Variants in INSYN2B observed in about 807,000 individuals in gnomAD.
The protein encoded by INSYN2B is protein INSYN2B.
Under a neutral mutation model 41.2 loss-of-function variants are expected in INSYN2B, and 16 were observed. That is an observed-to-expected ratio of 0.39 (90% CI 0.26 to 0.59). The LOEUF (loss-of-function observed/expected upper bound fraction) is 0.59. Among genes scored for constraint, INSYN2B ranks in the 20% least tolerant of loss-of-function variants. The pLI, the probability that INSYN2B is intolerant of heterozygous loss-of-function variation, is 0.57. For missense variants in INSYN2B, 608 were observed against 646.4 expected, an observed-to-expected ratio of 0.94 and a Z score of 0.64; for synonymous variants, 245 against 244.4, an observed-to-expected ratio of 1.00 and a Z score of -0.02.
rs1397662123 is a variant in INSYN2B, at chr5:169,864,072, G to T, written c.*201C>A. Reference sequence around the variant, plus strand: ...CTAGTGTCCGTGAAGCCCTCAGCAAGCAGTCGCACGCACTCAGGTAAGGAT... The same window carrying T: ...CTAGTGTCCGTGAAGCCCTCAGCAATCAGTCGCACGCACTCAGGTAAGGAT... On this transcript the variant is annotated 3_prime_UTR_variant, in exon 4 of 4. Transcript: ENST00000377365. Among the ~76,000 whole-genome samples the T allele has an allele frequency of 6.6e-6, 1 of 152,196 alleles. No individual in the cohort carries two copies. The highest frequency in any genetic ancestry group is 1.5e-5 in the Non-Finnish European group (1 of 68,032).
At chr5:169,946,290 G>A (rs1015686166) in intron 1 of INSYN2B, among the ~76,000 whole-genome samples, 1 of 152,124 alleles carries the variant, frequency 6.6e-6, no homozygotes, top group Non-Finnish European at 1.5e-5. Context: ...CCCAGCCAGG[G>A]GTATCCGGAG....
chr5:169,889,428 T>C (rs899799023), intron 1 of INSYN2B, among the ~76,000 whole-genome samples: 1 of 152,248 alleles, frequency 6.6e-6, no homozygotes, highest in Admixed American at 6.5e-5. Context: ...TGATCCCTAT[T>C]GTAGCACTAA....
intron 3 of INSYN2B, among the ~76,000 whole-genome samples, chr5:169,874,794 A>G (rs191440597): frequency 1.3e-5 from 2 of 152,282 alleles, no homozygotes; most frequent in African/African-American, 4.8e-5. Context: ...GGTGGGAGGA[A>G]GGAACGGTTA....
chr5:169,936,309 A>G (rs1775992308), intron 1 of INSYN2B, among the ~76,000 whole-genome samples: 1 of 152,188 alleles, frequency 6.6e-6, no homozygotes, highest in African/African-American at 2.4e-5. Flanking sequence ...GGCTGCAGCA[A>G]GGGCAGTGGG....
intron 1 of INSYN2B, among the ~76,000 whole-genome samples, chr5:169,967,806 C>A (rs1777357498): frequency 6.6e-6 from 1 of 151,982 alleles, no homozygotes; most frequent in South Asian, 2.1e-4. Context: ...AATGAACAAA[C>A]TCAAGACAAA....
In INSYN2B at chr5:169,888,726, C is replaced by T. The variant is rs575665737; in HGVS notation, c.-918-3910G>A. Among the ~76,000 whole-genome samples, 106 of 152,286 alleles carry T rather than the reference C, an allele frequency of 7.0e-4. 1 individual carries two copies. The South Asian group carries it at 0.014, about 20-fold the overall frequency. ...ACAAGTGACTTGATCTTTGTAAAAC[C>T]GCCTAAACTGGTTGTGAGAATTAAA... On this transcript the variant is annotated intron_variant, in intron 1 of 3. Transcript: ENST00000377365.
chr5:169,904,662 A>G (rs1236235118), intron 1 of INSYN2B, among the ~76,000 whole-genome samples: 1 of 152,180 alleles, frequency 6.6e-6, no homozygotes, highest in East Asian at 1.9e-4. Flanking sequence ...TCCTTTAAGA[A>G]GGCTTCCCAT....
chr5:169,928,188 G>T (rs182482157), intron 1 of INSYN2B, among the ~76,000 whole-genome samples: 1 of 152,098 alleles, frequency 6.6e-6, no homozygotes, highest in Non-Finnish European at 1.5e-5. Flanking sequence ...CCCACCCAAG[G>T]CCAAACCAAT....
chr5:169,923,960 C>T (rs770142156), intron 1 of INSYN2B, among the ~76,000 whole-genome samples: 36 of 152,164 alleles, frequency 2.4e-4, no homozygotes, highest in African/African-American at 5.8e-4. Flanking sequence ...AGAAACATTG[C>T]GGTTGGCAAA....
intron 1 of INSYN2B, among the ~76,000 whole-genome samples, chr5:169,939,319 A>G (rs941589777): frequency 6.6e-6 from 1 of 151,588 alleles, no homozygotes; most frequent in Non-Finnish European, 1.5e-5. Context: ...TTCCACCTCC[A>G]CATCTGGTCT....
chr5:169,934,620 C>T (rs1233907921), intron 1 of INSYN2B: 1 of 456,084 alleles, frequency 2.2e-6, no homozygotes, highest in Admixed American at 2.3e-5. Flanking sequence ...AAGATACTTC[C>T]CCTTGCTAAG....
chr5:169,921,807 C>G (rs954458900), intron 1 of INSYN2B, among the ~76,000 whole-genome samples: 37 of 152,204 alleles, frequency 2.4e-4, no homozygotes, highest in Non-Finnish European at 3.7e-4. Flanking sequence ...TCTCCCAGAG[C>G]TCTTAATCGA....
chr5:169,951,399 A>G (rs1776658220), intron 1 of INSYN2B, among the ~76,000 whole-genome samples: 1 of 152,180 alleles, frequency 6.6e-6, no homozygotes, highest in African/African-American at 2.4e-5. Flanking sequence ...CAGGGCTTGA[A>G]TCCAGATCTT....
intron 1 of INSYN2B, among the ~76,000 whole-genome samples, chr5:169,925,735 T>C (rs200397004): frequency 7.3e-6 from 1 of 137,780 alleles, no homozygotes; most frequent in Admixed American, 7.3e-5. Context: ...GGGTTGTGTG[T>C]TGGGAGCATT....
chr5:169,894,224 CG>C (rs1225941118), intron 1 of INSYN2B, among the ~76,000 whole-genome samples: 1 of 152,092 alleles, frequency 6.6e-6, no homozygotes, highest in African/African-American at 2.4e-5. Flanking sequence ...TAGAGAGGTG[CG>C]AGATTTGCCC....
chr5:169,867,596 C>T (rs1040857950), intron 3 of INSYN2B, among the ~76,000 whole-genome samples: 11 of 150,734 alleles, frequency 7.3e-5, no homozygotes, highest in Admixed American at 6.6e-5. Flanking sequence ...CTATCGTTAT[C>T]TATCCATCTA....
chr5:169,875,289 G>C (rs542643694), intron 3 of INSYN2B: 1 of 456,484 alleles, frequency 2.2e-6, no homozygotes, highest in Non-Finnish European at 4.4e-6. Context: ...GTGGCTTTGG[G>C]GCTGAAACCC....
intron 1 of INSYN2B, among the ~76,000 whole-genome samples, chr5:169,901,282 G>A (rs1341588484): frequency 6.6e-6 from 1 of 152,206 alleles, no homozygotes; most frequent in East Asian, 1.9e-4. Flanking sequence ...GGAAAGGCCA[G>A]CTTGGATGGA....
chr5:169,936,701 G>T (rs946455709), intron 1 of INSYN2B, among the ~76,000 whole-genome samples: 4 of 151,624 alleles, frequency 2.6e-5, no homozygotes, highest in African/African-American at 4.9e-5. Context: ...CCTCCTGGGG[G>T]GCGCGCTCCA....
Sources: gnomAD v4.1 joint callset for allele counts (sites outside exome capture counted in the v4.1 genomes callset) on GRCh38, gnomAD v4.1.1 for gene constraint, MANE v1.5 for transcripts, NCBI Gene and HGNC (gene_info 2026-07-23, HGNC 2026-07-21) for gene names.